GRID1: variants seen among roughly 807,000 people sequenced by gnomAD.
The protein encoded by GRID1 is glutamate ionotropic receptor delta type subunit 1.
In GRID1, 28 loss-of-function variants were observed where a neutral mutation model predicts 98.0. The ratio of observed to expected loss-of-function variants is 0.29; its 90% CI spans 0.21 to 0.39. The LOEUF (loss-of-function observed/expected upper bound fraction) is 0.39, where lower values mean the gene tolerates loss of function less well. GRID1 is among the 10% of genes least tolerant of loss of function. The probability of loss-of-function intolerance (pLI) is 1.00; values close to 1 mark genes in which losing one functional copy is unlikely to be tolerated. For missense variants in GRID1, 1,111 were observed against 1,340.5 expected, an observed-to-expected ratio of 0.83 and a Z score of 2.67; for synonymous variants, 553 against 538.5, an observed-to-expected ratio of 1.03 and a Z score of -0.37.
At chr10:86,288,704 C>T (rs931715420) in intron 2 of GRID1, among the ~76,000 whole-genome samples, 2 of 152,226 alleles carry the variant, frequency 1.3e-5, no homozygotes, top group African/African-American at 2.4e-5. Context: ...AACCTCAAAG[C>T]GGCAGCACTC....
At chr10:85,967,135 C>A (rs1842347268) in intron 4 of GRID1, among the ~76,000 whole-genome samples, 1 of 152,174 alleles carries the variant, frequency 6.6e-6, no homozygotes, top group African/African-American at 2.4e-5. Flanking sequence ...TTGCTTTCTG[C>A]CATGATTGTG....
chr10:86,364,155 T>C, intron 1 of GRID1, 59 bp from the exon 2 acceptor site: 3 of 1,490,066 alleles, frequency 2.0e-6, no homozygotes, highest in South Asian at 2.4e-5. Flanking sequence ...CCGCTTCCCT[T>C]GGCCCGAGGG....
chr10:85,781,068 A>T (rs932217530), intron 8 of GRID1, among the ~76,000 whole-genome samples: 1 of 152,208 alleles, frequency 6.6e-6, no homozygotes, highest in Non-Finnish European at 1.5e-5. Flanking sequence ...TCTCTATTAC[A>T]TGAAGTTTCC....
chr10:85,717,184 T>A (rs1187778510), intron 12 of GRID1, among the ~76,000 whole-genome samples: 1 of 152,188 alleles, frequency 6.6e-6, no homozygotes, highest in Non-Finnish European at 1.5e-5. Context: ...ATTTTAGTAA[T>A]CATTTCGTAG....
At chr10:86,100,703 G>A (rs1844284340) in intron 4 of GRID1, among the ~76,000 whole-genome samples, 1 of 152,226 alleles carries the variant, frequency 6.6e-6, no homozygotes, top group Non-Finnish European at 1.5e-5. Context: ...TTGACTTGCT[G>A]TAGCCAATGG....
Position 85,748,476 on chromosome 10 carries a change from A to C in GRID1, c.1234-18862T>G, listed in dbSNP as rs141904653. On this transcript the variant is annotated intron_variant, in intron 8 of 15. Coordinates refer to ENST00000327946, the MANE Select transcript of GRID1 (RefSeq NM_017551.3). ...GTTGAGAGCTATAAAACTGACCAAA[A>C]ATTGATATCGTATTAGCAATATTAA... Among the ~76,000 whole-genome samples the C allele has an allele frequency of 9.2e-5, 14 of 152,220 alleles. No individual in the cohort carries two copies. The East Asian group carries it at 2.7e-3, about 29-fold the overall frequency.
intron 14 of GRID1, among the ~76,000 whole-genome samples, chr10:85,615,590 T>C (rs931255416): frequency 2.0e-5 from 3 of 152,242 alleles, no homozygotes; most frequent in Non-Finnish European, 4.4e-5. Context: ...GGCTGTGCAT[T>C]CAGTGACTTA....
intron 15 of GRID1, among the ~76,000 whole-genome samples, chr10:85,603,142 T>C (rs1244103306): frequency 6.6e-6 from 1 of 152,174 alleles, no homozygotes; most frequent in Non-Finnish European, 1.5e-5. Context: ...TGTATGATCA[T>C]CCCCACCTTG....
intron 4 of GRID1, among the ~76,000 whole-genome samples, chr10:85,987,588 AGCCTTACCT>A (rs1411359928): frequency 2.9e-5 from 4 of 138,574 alleles, no homozygotes; most frequent in African/African-American, 1.1e-4. Flanking sequence ...CCTCCCCTAC[AGCCTTACCT>A]GCCTTACCTG....
chr10:86,343,673 G>A (rs1367408761), intron 2 of GRID1, among the ~76,000 whole-genome samples: 7 of 152,206 alleles, frequency 4.6e-5, no homozygotes, highest in Non-Finnish European at 1.0e-4. Context: ...CAGTGTGAGA[G>A]GGTATCCTTT....
chr10:85,742,107 G>A lies in GRID1; in HGVS notation c.1234-12493C>T, dbSNP rs926852535. Among the ~76,000 whole-genome samples the A allele has an allele frequency of 4.6e-5, 7 of 152,130 alleles. No homozygotes were observed. The South Asian group carries it at 1.0e-3, about 23-fold the overall frequency. On this transcript the variant is annotated intron_variant, in intron 8 of 15. Coordinates refer to ENST00000327946, the MANE Select transcript of GRID1 (RefSeq NM_017551.3). ...TGAAACTGTGAAAAGCACCTTCCACGATAGGGAGGATGTCTATTTTGCTCA... is the reference window on the plus strand; with the variant it reads ...TGAAACTGTGAAAAGCACCTTCCACAATAGGGAGGATGTCTATTTTGCTCA...
At chr10:86,347,511 G>T (rs1848402450) in intron 2 of GRID1, among the ~76,000 whole-genome samples, 1 of 152,210 alleles carries the variant, frequency 6.6e-6, no homozygotes. Flanking sequence ...ACTCCTGTGA[G>T]ACTCTTGTTA....
chr10:86,176,721 A>G (rs577564804), intron 3 of GRID1, among the ~76,000 whole-genome samples: 25 of 152,296 alleles, frequency 1.6e-4, no homozygotes, highest in South Asian at 1.2e-3. Context: ...CTGGTGACCA[A>G]TGGGGTGAAT....
intron 4 of GRID1, among the ~76,000 whole-genome samples, chr10:86,075,173 T>A (rs9420381): frequency 6.9e-6 from 1 of 145,724 alleles, no homozygotes; most frequent in East Asian, 2.0e-4. Context: ...ATGAGTTGAA[T>A]TGTGTCCCCT....
intron 12 of GRID1, among the ~76,000 whole-genome samples, chr10:85,682,388 A>G (rs971741458): frequency 2.6e-5 from 4 of 152,234 alleles, no homozygotes; most frequent in African/African-American, 4.8e-5. Flanking sequence ...TTAGTAGACC[A>G]TAGACCTGGT....
chr10:86,221,418 G>A (rs530998078), intron 2 of GRID1, among the ~76,000 whole-genome samples: 1 of 152,266 alleles, frequency 6.6e-6, no homozygotes, highest in African/African-American at 2.4e-5. Context: ...CCTCAAGCAC[G>A]CCGTGCTGGG....
At chr10:86,081,950 A>C (rs1317093830) in intron 4 of GRID1, among the ~76,000 whole-genome samples, 2 of 152,224 alleles carry the variant, frequency 1.3e-5, no homozygotes, top group Admixed American at 6.5e-5. Flanking sequence ...GTCCAAACCC[A>C]TAACATTTAC....
intron 8 of GRID1, among the ~76,000 whole-genome samples, chr10:85,813,230 G>A (rs933806626): frequency 2.7e-5 from 4 of 150,692 alleles, no homozygotes; most frequent in Non-Finnish European, 5.9e-5. Flanking sequence ...TATAAATTAC[G>A]GATTCAAGAC....
chr10:86,223,917 GTGATAGACCAAGGACCAGCAGA>G (rs1170432118), intron 2 of GRID1, among the ~76,000 whole-genome samples: 2 of 151,978 alleles, frequency 1.3e-5, no homozygotes, highest in Admixed American at 6.5e-5. Flanking sequence ...GGACCAGCAA[GTGATAGACCAAGGACCAGCAGA>G]TGATAGACCA....
Sources: allele counts gnomAD v4.1 joint callset (sites outside exome capture counted in the v4.1 genomes callset), GRCh38; gene constraint gnomAD v4.1.1; transcripts MANE v1.5; gene names NCBI Gene and HGNC (gene_info 2026-07-23, HGNC 2026-07-21).